The following CC2D2B variants were observed in gnomAD, a reference collection of about 807,000 sequenced individuals.
CC2D2B encodes coiled-coil and C2 domain containing 2B, also known as protein CC2D2B.
In CC2D2B, 128 loss-of-function variants were observed where a neutral mutation model predicts 161.2. The ratio of observed to expected loss-of-function variants is 0.79; its 90% CI spans 0.69 to 0.92. The LOEUF (loss-of-function observed/expected upper bound fraction) is 0.92. Among genes scored for constraint, CC2D2B ranks in the 40% least tolerant of loss-of-function variants. The pLI is 0.00. For missense variants in CC2D2B, 1,173 were observed against 1,375.1 expected, an observed-to-expected ratio of 0.85 and a Z score of 2.32; for synonymous variants, 391 against 449.8, an observed-to-expected ratio of 0.87 and a Z score of 1.65.
At chr10:95,977,039 C>T (rs539346847) in intron 17 of CC2D2B, among the ~76,000 whole-genome samples, 2 of 152,256 alleles carry the variant, frequency 1.3e-5, no homozygotes, top group South Asian at 2.1e-4. Flanking sequence ...CATGAGCCAC[C>T]GCACCCAGCC....
chr10:96,020,027 G>A, intron 32 of CC2D2B: 1 of 467,488 alleles, frequency 2.1e-6, no homozygotes, highest in Non-Finnish European at 3.8e-6. Context: ...AGAAGAAAGT[G>A]ACATCTTAAA....
chr10:96,019,679 A>G (rs1395038419), intron 31 of CC2D2B, 23 bp from the exon 32 acceptor site: 1 of 1,557,284 alleles, frequency 6.4e-7, no homozygotes, highest in Non-Finnish European at 8.6e-7. Flanking sequence ...ACCTACACTA[A>G]TGTTATATTA....
intron 5 of CC2D2B, among the ~76,000 whole-genome samples, chr10:95,925,361 G>C (rs2098536544): frequency 6.6e-6 from 1 of 152,196 alleles, no homozygotes. Flanking sequence ...TCCTTGGATA[G>C]GACCATTCAC....
chr10:95,941,040 G>A (rs1018777158), intron 9 of CC2D2B, among the ~76,000 whole-genome samples: 37 of 152,236 alleles, frequency 2.4e-4, no homozygotes, highest in African/African-American at 8.7e-4. Flanking sequence ...ATAAACTTAT[G>A]TATATACAGT....
Position 95,991,475 on chromosome 10 carries a change from A to C in CC2D2B, c.2471+14A>C. ...TGTATCTACAAGGTAATTGCTAAAAACTATTAAGTATGAAATATAAACCTT... is the reference window on the plus strand; with the variant it reads ...TGTATCTACAAGGTAATTGCTAAAACCTATTAAGTATGAAATATAAACCTT... On this transcript the variant is annotated intron_variant, in intron 21 of 34. Coordinates refer to ENST00000646931, the MANE Select transcript of CC2D2B (RefSeq NM_001349008.3). 4.0e-6 allele frequency: 3 copies of C among 752,920 alleles called. No homozygotes were observed. The highest frequency in any genetic ancestry group is 5.5e-6 in the Non-Finnish European group (3 of 550,302). The allele number at this position is 752,920 out of a possible 1,614,324, so 46.6% of individuals were successfully genotyped here.
In CC2D2B at chr10:95,912,461, A is replaced by T. The variant is rs2098508080; in HGVS notation, c.36+1102A>T. 2.6e-5 allele frequency among the ~76,000 whole-genome samples: 4 copies of T among 152,154 alleles called. No individual in the cohort carries two copies. The South Asian group carries it at 8.3e-4, about 32-fold the overall frequency. ...AGACACAGATTTGGGAATCCATGGG[A>T]ATATGTGCACCCTCCAAAGCTTTGG... On this transcript the variant is annotated intron_variant, in intron 2 of 34. Transcript: ENST00000646931.
chr10:95,921,909 A>G (rs2141161566), intron 2 of CC2D2B, 107 bp from the exon 3 acceptor site: 1 of 595,554 alleles, frequency 1.7e-6, no homozygotes, highest in Non-Finnish European at 2.9e-6. Context: ...ACAAACCTGC[A>G]TGTTGTGCAC....
At chr10:96,029,817 GTT>G (rs5787169) in intron 34 of CC2D2B, among the ~76,000 whole-genome samples, 5 of 144,846 alleles carry the variant, frequency 3.5e-5, no homozygotes, top group East Asian at 2.0e-4. Flanking sequence ...TTGTTGTTTT[GTT>G]TTTTTTTTTG....
At chr10:95,908,179 G>GC (rs1192515393) in intron 1 of CC2D2B, 122 bp downstream of exon 1, 1 of 152,268 alleles carries the variant, frequency 6.6e-6, no homozygotes, top group Non-Finnish European at 1.5e-5. Flanking sequence ...AGCCGGGGCC[G>GC]CGCAGGCCGC....
chr10:95,934,437 G>GAAA (rs551651883), intron 6 of CC2D2B, among the ~76,000 whole-genome samples: 1 of 143,846 alleles, frequency 7.0e-6, no homozygotes, highest in Non-Finnish European at 1.5e-5. Context: ...ACTGGGGTAT[G>GAAA]AAAAAAAAAA....
Position 96,012,237 on chromosome 10 carries a change from G to A in CC2D2B, c.3098G>A (p.Trp1033Ter). 1 of 708,552 alleles carries A rather than the reference G, an allele frequency of 1.4e-6. No homozygotes were observed. The highest frequency in any genetic ancestry group is 1.5e-5 in the South Asian group (1 of 64,996). 43.9% of individuals were successfully genotyped at this position (708,552 alleles called of 1,614,324 possible). A position where few individuals can be genotyped will look rare whatever the true frequency, so the allele number is the denominator to read the frequency against. ...CCACCAGTTTTGCTCGGGTATACTT[G>A]GAGTAATACTTATGTATTTCCTAAA... ...TIPPVLLGYT[W>*]SNTYVFPKED... is the part of the protein sequence containing the mutation. Residue 1033 changes from tryptophan (W) to a stop codon, truncating the protein, a stop_gained, in exon 27 of 35, where the codon TGG becomes TAG. Transcript: ENST00000646931. LOFTEE classifies it high-confidence loss of function.
intron 14 of CC2D2B, among the ~76,000 whole-genome samples, chr10:95,967,745 A>T (rs942236391): frequency 2.6e-5 from 4 of 152,316 alleles, no homozygotes; most frequent in African/African-American, 9.6e-5. Flanking sequence ...CTTGAAAGGT[A>T]ATTGGGAATA....
At chr10:95,927,069 C>T (rs182671144) in intron 5 of CC2D2B, among the ~76,000 whole-genome samples, 168 bp from the exon 6 acceptor site, 2 of 152,236 alleles carry the variant, frequency 1.3e-5, no homozygotes, top group African/African-American at 2.4e-5. Flanking sequence ...AATAAAAACT[C>T]ATGAACCAAA....
At chr10:96,026,955 T>C (rs2141968597) in intron 33 of CC2D2B, among the ~76,000 whole-genome samples, 1 of 152,238 alleles carries the variant, frequency 6.6e-6, no homozygotes, top group East Asian at 1.9e-4. Flanking sequence ...AAACCCCGTC[T>C]CTACTGAAAA....
chr10:95,920,262 TCA>T (rs1189805565), intron 2 of CC2D2B: 1 of 152,908 alleles, frequency 6.5e-6, no homozygotes, highest in Admixed American at 6.5e-5. Context: ...TTTAATTGAC[TCA>T]CAGTTCCACA....
chr10:96,016,235 A>T lies in CC2D2B; in HGVS notation c.3551A>T (p.Glu1184Val). 1 of 1,612,494 alleles carries T rather than the reference A, an allele frequency of 6.2e-7. No individual in the cohort carries two copies. Among genetic ancestry groups the T allele is most frequent in the Non-Finnish European group, 8.5e-7 (1 of 1,179,412 alleles). The change falls in exon 30 of 35, where the codon GAG becomes GTG. Residue 1184 changes from glutamate to valine, a missense_variant. Coordinates refer to ENST00000646931, the MANE Select transcript of CC2D2B (RefSeq NM_001349008.3). ...AGTTTAGCTATCGGAAATAAGGAGGAGCATGCCATCCTTCTCTGTAATTTC... is the reference window on the plus strand; with the variant it reads ...AGTTTAGCTATCGGAAATAAGGAGGTGCATGCCATCCTTCTCTGTAATTTC... The part of the protein sequence containing the change: ...CISLAIGNKE[E>V]HAILLCNFFL...
intron 22 of CC2D2B, among the ~76,000 whole-genome samples, chr10:95,993,946 G>GTATATATATATATA (rs1424075597): frequency 6.9e-5 from 2 of 28,994 alleles, no homozygotes; most frequent in Non-Finnish European, 8.3e-5. Flanking sequence ...GTGTGTGTAT[G>GTATATATATATATA]TATGTGTATA....
chr10:96,029,316 A>G (rs1468317368), intron 34 of CC2D2B, among the ~76,000 whole-genome samples: 1 of 134,340 alleles, frequency 7.4e-6, no homozygotes, highest in Non-Finnish European at 1.6e-5. Flanking sequence ...GTATATCTAT[A>G]TATGTACTAT....
At chr10:96,005,133 G>T (rs1053956944) in intron 25 of CC2D2B, among the ~76,000 whole-genome samples, 6 of 152,172 alleles carry the variant, frequency 3.9e-5, no homozygotes, top group African/African-American at 1.2e-4. Flanking sequence ...GTTAAACTGA[G>T]TAGTGTTTTG....
Sources: allele counts gnomAD v4.1 joint callset (sites outside exome capture counted in the v4.1 genomes callset), GRCh38; gene constraint gnomAD v4.1.1; transcripts MANE v1.5; gene names NCBI Gene and HGNC (gene_info 2026-07-23, HGNC 2026-07-21).